Variants in TMEM131 observed in about 807,000 individuals in gnomAD.
TMEM131 encodes the protein 2610524E03Rik.
In TMEM131, 66 loss-of-function variants were observed where a neutral mutation model predicts 211.6. The observed-to-expected ratio is 0.31, with a 90% CI of 0.26 to 0.38. The LOEUF is 0.38. Among genes scored for constraint, TMEM131 ranks in the 10% least tolerant of loss-of-function variants. TMEM131 has a pLI of 1.00. For missense variants in TMEM131, 2,036 were observed against 2,299.3 expected (o/e 0.89, Z 2.34); for synonymous variants, 844 against 841.3 (o/e 1.00, Z -0.06).
intron 4 of TMEM131, among the ~76,000 whole-genome samples, chr2:97,877,777 A>C (rs542155469): frequency 3.3e-5 from 5 of 152,356 alleles, no homozygotes; most frequent in African/African-American, 1.2e-4. Flanking sequence ...GGGGAATACC[A>C]ATCAGGACAT....
At chr2:97,961,918 C>G (rs1276467286) in intron 1 of TMEM131, among the ~76,000 whole-genome samples, 1 of 152,160 alleles carries the variant, frequency 6.6e-6, no homozygotes, top group African/African-American at 2.4e-5. Flanking sequence ...GTTCTATTCC[C>G]TATTGCAATA....
intron 1 of TMEM131, among the ~76,000 whole-genome samples, chr2:97,966,554 A>G (rs1033466557): frequency 7.9e-5 from 12 of 152,140 alleles, no homozygotes; most frequent in Admixed American, 6.5e-5. Context: ...CCCTCAATAA[A>G]TGTTTGTTGA....
At chr2:97,857,371 C>T (rs1251979671) in intron 5 of TMEM131, among the ~76,000 whole-genome samples, 1 of 152,132 alleles carries the variant, frequency 6.6e-6, no homozygotes, top group East Asian at 1.9e-4. Context: ...TATTGTTTAC[C>T]TAGCCCAGTT....
intron 1 of TMEM131, among the ~76,000 whole-genome samples, chr2:97,972,954 A>C (rs1679371690): frequency 2.0e-5 from 3 of 152,242 alleles, no homozygotes; most frequent in Non-Finnish European, 2.9e-5. Flanking sequence ...CATATTAAAA[A>C]AAATCTTTTT....
chr2:97,839,109 G>A (rs183844107), intron 7 of TMEM131, among the ~76,000 whole-genome samples: 2 of 152,308 alleles, frequency 1.3e-5, no homozygotes, highest in East Asian at 3.9e-4. Flanking sequence ...GGGATCACTT[G>A]AGCCCAGGAG....
In TMEM131 at chr2:97,793,697, C is replaced by A. The variant is rs1416244216; in HGVS notation, c.3387-144G>T. On this transcript the variant is annotated intron_variant, in intron 29 of 40. Coordinates refer to ENST00000186436, the MANE Select transcript of TMEM131 (RefSeq NM_015348.2). ...GTTGTCTGTGACAACTTTTAACAGA[C>A]AAAACCCACAGTTTTGGCTGGGCAC... 1.5e-5 allele frequency: 13 copies of A among 847,886 alleles called. 1 individual carries two copies. In the East Asian group the frequency reaches 3.7e-4, roughly 24 times the overall value. The allele number at this position is 847,886 out of a possible 1,614,324, so 52.5% of individuals were successfully genotyped here.
chr2:97,856,798 G>A (rs150151656), intron 5 of TMEM131, among the ~76,000 whole-genome samples: 67 of 152,200 alleles, frequency 4.4e-4, no homozygotes, highest in Non-Finnish European at 6.9e-4. Context: ...GCTTAAGTCA[G>A]TGTCTTATTG....
At chr2:97,959,417 G>A (rs1039355885) in intron 1 of TMEM131, among the ~76,000 whole-genome samples, 1 of 152,162 alleles carries the variant, frequency 6.6e-6, no homozygotes, top group Non-Finnish European at 1.5e-5. Flanking sequence ...AAACAGGGAA[G>A]TATTTTCTTG....
chr2:97,890,429 G>A (rs1005617985), intron 3 of TMEM131, among the ~76,000 whole-genome samples: 1 of 152,174 alleles, frequency 6.6e-6, no homozygotes, highest in African/African-American at 2.4e-5. Context: ...TTGATTTTGA[G>A]GGATCAAGGA....
intron 4 of TMEM131, among the ~76,000 whole-genome samples, chr2:97,884,410 A>G (rs144694520): frequency 9.4e-4 from 143 of 152,236 alleles, no homozygotes; most frequent in African/African-American, 3.3e-3. Flanking sequence ...TTTTGGTGAA[A>G]TGTTCTGTAA....
chr2:97,995,014 C>T (rs1680427134), intron 1 of TMEM131, among the ~76,000 whole-genome samples: 1 of 152,206 alleles, frequency 6.6e-6, no homozygotes, highest in Non-Finnish European at 1.5e-5. Context: ...GAGGAAGCTA[C>T]AGGACCAAGA....
chr2:97,788,515 C>A (rs2104868770), intron 31 of TMEM131, among the ~76,000 whole-genome samples: 1 of 152,358 alleles, frequency 6.6e-6, no homozygotes. Context: ...TCTACCAACT[C>A]ACGCACATCT....
rs777316829 is a variant in TMEM131, at chr2:97,815,306, T to A, written c.1185A>T (p.Ala395=). The A allele has an allele frequency of 3.2e-6, 5 of 1,551,678 alleles. No homozygotes were observed. The highest frequency in any genetic ancestry group is 4.3e-6 in the Non-Finnish European group (5 of 1,156,220). The change falls in exon 13 of 41, where the codon GCA becomes GCT. Residue 395 remains alanine, a splice_region_variant and synonymous_variant. Coordinates refer to ENST00000186436, the MANE Select transcript of TMEM131 (RefSeq NM_015348.2). ...YTKVASISFD[A]SKAKKPSQFS... The stretch of plus-strand genomic sequence containing the variant: ...ACTGAGATGGCTTTTTTGCCTTCGA[T>A]GCTGAAAGGAAGCATAAAAAATAAT...
Position 97,805,431 on chromosome 2 carries a change from A to T in TMEM131, c.2229T>A (p.Asp743Glu), listed in dbSNP as rs754205882. The T allele has an allele frequency of 6.2e-7, 1 of 1,614,022 alleles. No homozygotes were observed. The highest frequency in any genetic ancestry group is 8.5e-7 in the Non-Finnish European group (1 of 1,179,884). Residue 743 changes from aspartate (D) to glutamate (E), a missense_variant, in exon 21 of 41, where the codon GAT (aspartate) becomes GAA (glutamate). Around this residue, in one of 3 missense-constraint regions of TMEM131, gnomAD observed 1,623 missense variants for 1,805.9 expected, o/e 0.90. Transcript: ENST00000186436. ...KKSKIANIYF[D>E]PGLQCGDHCY... is the part of the protein sequence containing the mutation. ...AATGATCCCCACACTGTAGTCCAGG[A>T]TCAAAATAAATGTTTGCAATCTATA...
intron 5 of TMEM131, among the ~76,000 whole-genome samples, chr2:97,846,913 G>T (rs573692454): frequency 6.6e-6 from 1 of 152,244 alleles, no homozygotes; most frequent in Non-Finnish European, 1.5e-5. Flanking sequence ...CGGCGCGGTG[G>T]CTCACGCCTG....
At chr2:97,967,704 T>C (rs1429055922) in intron 1 of TMEM131, among the ~76,000 whole-genome samples, 4 of 152,282 alleles carry the variant, frequency 2.6e-5, no homozygotes, top group Admixed American at 6.5e-5. Flanking sequence ...AAGTTTAACC[T>C]CTTCAACATT....
At chr2:97,926,370 T>C (rs1366219461) in intron 2 of TMEM131, among the ~76,000 whole-genome samples, 1 of 152,182 alleles carries the variant, frequency 6.6e-6, no homozygotes, top group Non-Finnish European at 1.5e-5. Flanking sequence ...TTAAACCTAT[T>C]GGTAAATTAC....
In TMEM131 at chr2:97,841,686, C is replaced by A. The variant is rs1324748062; in HGVS notation, c.723+129G>T. The A allele has an allele frequency of 6.1e-6, 6 of 983,718 alleles. No individual in the cohort carries two copies. The African/African-American group carries it at 6.8e-5, about 11-fold the overall frequency. The allele number at this position is 983,718 out of a possible 1,614,324, so 60.9% of individuals were successfully genotyped here. ...GCAGCAAGCTGTACTAAAAGTAATACCCCTCTCAATACACTATAAAACCCT... is the reference window on the plus strand; with the variant it reads ...GCAGCAAGCTGTACTAAAAGTAATAACCCTCTCAATACACTATAAAACCCT... On this transcript the variant is annotated intron_variant, in intron 7 of 40. Coordinates refer to ENST00000186436, the MANE Select transcript of TMEM131 (RefSeq NM_015348.2).
chr2:97,806,085 A>G (rs1681282357), intron 19 of TMEM131, among the ~76,000 whole-genome samples: 1 of 152,260 alleles, frequency 6.6e-6, no homozygotes, highest in Admixed American at 6.5e-5. Context: ...CCAGGCAAGA[A>G]TGCCCTGAAA....
Sources: allele counts gnomAD v4.1 joint callset (sites outside exome capture counted in the v4.1 genomes callset), GRCh38; gene constraint gnomAD v4.1.1; regional missense constraint gnomAD v4.1.1; transcripts MANE v1.5; gene names NCBI Gene and HGNC (gene_info 2026-07-23, HGNC 2026-07-21).